The following TREH variants were observed in gnomAD, a reference collection of about 807,000 sequenced individuals.
The protein encoded by TREH is trehalase.
A neutral mutation model predicts 80.5 loss-of-function variants in TREH; 69 were observed. The ratio of observed to expected loss-of-function variants is 0.86; its 90% CI spans 0.71 to 1.05. TREH has a LOEUF of 1.05. Ranked by LOEUF, TREH falls within the 50% of genes least tolerant of loss-of-function variation. TREH has a pLI of 0.00. For missense variants in TREH, 716 were observed against 718.8 expected, an observed-to-expected ratio of 1.00 and a Z score of 0.04; for synonymous variants, 309 against 293.5, an observed-to-expected ratio of 1.05 and a Z score of -0.54.
chr11:118,672,670 G>A (rs897423621), intron 1 of TREH, among the ~76,000 whole-genome samples: 2 of 119,504 alleles, frequency 1.7e-5, no homozygotes, highest in South Asian at 2.6e-4. Flanking sequence ...GAGATCGCAC[G>A]CCACTGCACT....
chr11:118,666,141 G>A (rs1278295144), intron 1 of TREH, among the ~76,000 whole-genome samples: 1 of 152,138 alleles, frequency 6.6e-6, no homozygotes, highest in Non-Finnish European at 1.5e-5. Flanking sequence ...TCTGAGGCAG[G>A]AGAATTGCTT....
At chr11:118,668,561 CA>C (rs35085066) in intron 1 of TREH, among the ~76,000 whole-genome samples, 67 of 47,862 alleles carry the variant, frequency 1.4e-3, no homozygotes, top group African/African-American at 5.2e-3. Flanking sequence ...GACTCTGTCT[CA>C]AAAAAAAAAA....
intron 11 of TREH, 116 bp downstream of exon 11, chr11:118,659,631 G>A (rs1315679031): frequency 9.3e-6 from 13 of 1,390,498 alleles, no homozygotes; most frequent in South Asian, 2.7e-5. Flanking sequence ...GGTGGGACCC[G>A]CAGGCTGGGA....
chr11:118,679,276 G>T (rs543327), intron 1 of TREH, among the ~76,000 whole-genome samples: 52,912 of 151,678 alleles, frequency 0.35, 9,496 homozygotes, highest in Admixed American at 0.48. Context: ...GGTCTAGGCT[G>T]CAGTGAGTGG....
rs1555144477 is a variant in TREH at position 118,659,821 on chromosome 11, A to T, written c.1246T>A (p.Ser416Thr). Residue 416 changes from serine to threonine, a missense_variant, in exon 11 of 15, where the codon TCC becomes ACC. Coordinates refer to ENST00000264029, the MANE Select transcript of TREH (RefSeq NM_007180.3). ...CCGGCCCAGAGTGGAGTGAGGTTGG[A>T]TGGGTAAAACTCCCGGTTTTTCTTC... ...KKKKNREFYP[S>T]NLTPLWAGCF... 1.3e-6 allele frequency: 2 copies of T among 1,574,768 alleles called. No homozygotes were observed. Among genetic ancestry groups the T allele is most frequent in the Non-Finnish European group, 1.7e-6 (2 of 1,159,506 alleles).
chr11:118,667,614 T>C (rs745309014), intron 1 of TREH, among the ~76,000 whole-genome samples: 4 of 152,200 alleles, frequency 2.6e-5, no homozygotes, highest in Non-Finnish European at 4.4e-5. Context: ...CCTTATGGCA[T>C]ACTCAAACTA....
chr11:118,670,590 T>C (rs1555146175), intron 1 of TREH, among the ~76,000 whole-genome samples: 1 of 152,198 alleles, frequency 6.6e-6, no homozygotes, highest in Non-Finnish European at 1.5e-5. Context: ...TTGCCAACAA[T>C]GCCAGTGCTT....
At chr11:118,672,377 A>C (rs1351587469) in intron 1 of TREH, among the ~76,000 whole-genome samples, 2 of 149,052 alleles carry the variant, frequency 1.3e-5, no homozygotes, top group Non-Finnish European at 3.0e-5. Context: ...CAGCCTGGGC[A>C]ACAGAGTGAG....
Position 118,663,056 on chromosome 11 carries a change from C to T in TREH, c.331G>A (p.Asp111Asn). The T allele has an allele frequency of 6.2e-7, 1 of 1,613,618 alleles. No homozygotes were observed. ...GTTCCCCTTCCAGAGTCATACCTGTCTTTCCAGTCTGCAGGGGTCCAGGGC... is the reference window on the plus strand; with the variant it reads ...GTTCCCCTTCCAGAGTCATACCTGTTTTTCCAGTCTGCAGGGGTCCAGGGC... Reference protein sequence around the residue: ...LQPWTPADWKDSPQFLQKISD... With the variant: ...LQPWTPADWKNSPQFLQKISD... Residue 111 changes from aspartate to asparagine, a missense_variant, in exon 3 of 15, where the codon GAC becomes AAC. Asp to Asn is a conservative substitution (Grantham distance 23). Coordinates refer to ENST00000264029, the MANE Select transcript of TREH (RefSeq NM_007180.3).
chr11:118,670,045 G>A (rs1949416860), intron 1 of TREH, among the ~76,000 whole-genome samples: 1 of 151,830 alleles, frequency 6.6e-6, no homozygotes, highest in South Asian at 2.1e-4. Context: ...TAAGTGAGGG[G>A]CTTCAAATGT....
In TREH at chr11:118,661,768, C is replaced by A; in HGVS notation, c.525-39G>T. On this transcript the variant is annotated intron_variant, in intron 5 of 14. Transcript: ENST00000264029. This position sits in a 1 kb window ranked among gnomAD's most constrained non-coding sequence, Gnocchi z 4.2. ...AGCTTAGGCACCACCCTGCTGCCTCCCTCTGCCCTGCACACCAGCCAGTGG... is the reference window on the plus strand; with the variant it reads ...AGCTTAGGCACCACCCTGCTGCCTCACTCTGCCCTGCACACCAGCCAGTGG... The A allele has an allele frequency of 6.2e-7, 1 of 1,609,094 alleles. No individual in the cohort carries two copies. The highest frequency in any genetic ancestry group is 8.5e-7 in the Non-Finnish European group (1 of 1,175,834).
At position 118,657,971 on chromosome 11, in the gene TREH, G is replaced by A. The variant is rs1181471140; in HGVS notation, c.*318C>T. ...CCCTTGGTTGCCTGGGCCCAGGCTGGGGGTTTTCAGTATTTGTAAGCATTT... is the reference window on the plus strand; with the variant it reads ...CCCTTGGTTGCCTGGGCCCAGGCTGAGGGTTTTCAGTATTTGTAAGCATTT... On this transcript the variant is annotated 3_prime_UTR_variant, in exon 15 of 15. Transcript: ENST00000264029. The A allele has an allele frequency of 5.5e-5, 17 of 308,034 alleles. No homozygotes were observed. The highest frequency in any genetic ancestry group is 3.4e-4 in the African/African-American group (16 of 47,696). 19.1% of individuals were successfully genotyped at this position (308,034 alleles called of 1,614,324 possible).
At position 118,662,986 on chromosome 11, in the gene TREH, C is replaced by A. The variant is rs781787702; in HGVS notation, c.336-18G>T. The A allele has an allele frequency of 6.2e-6, 10 of 1,611,830 alleles. No homozygotes were observed. The highest frequency in any genetic ancestry group is 4.5e-5 in the East Asian group (2 of 44,844). Reference sequence around the variant, plus strand: ...ACTGGGGGCTGAAAGAACACAGGCCCCACAGGGTTCAAGGAGGCAGCTCAG... The same window carrying A: ...ACTGGGGGCTGAAAGAACACAGGCCACACAGGGTTCAAGGAGGCAGCTCAG... On this transcript the variant is annotated intron_variant, in intron 3 of 14. Coordinates refer to ENST00000264029, the MANE Select transcript of TREH (RefSeq NM_007180.3).
chr11:118,663,278 C>G, intron 2 of TREH, 61 bp downstream of exon 2: 1 of 1,562,830 alleles, frequency 6.4e-7, no homozygotes. Flanking sequence ...CTTGGTCTTG[C>G]CCCCTGCCTT....
At chr11:118,658,517 CA>C in intron 14 of TREH, 76 bp from the exon 15 acceptor site, 10 of 1,550,744 alleles carry the variant, frequency 6.4e-6, no homozygotes, top group Non-Finnish European at 8.7e-6. Flanking sequence ...GCTCTCTCCC[CA>C]GGGGCACTGG....
chr11:118,676,595 C>T (rs1470060348), intron 1 of TREH, among the ~76,000 whole-genome samples: 7 of 151,932 alleles, frequency 4.6e-5, no homozygotes, highest in African/African-American at 7.3e-5. Flanking sequence ...GGTGAAACCC[C>T]GTCTCTACTA....
At position 118,659,366 on chromosome 11, in the gene TREH, C is replaced by G. The variant is rs1555144282; in HGVS notation, c.1432+4G>C. On this transcript the variant is annotated splice_donor_region_variant and intron_variant, in intron 12 of 14. Transcript: ENST00000264029. ...CCTTGGCTGTGTCAGCCCTGCCTCC[C>G]TACCTCTGATGACCAGGTCCTGCAG... 1.9e-6 allele frequency: 3 copies of G among 1,558,190 alleles called. No homozygotes were observed. Among genetic ancestry groups the G allele is most frequent in the African/African-American group, 1.4e-5 (1 of 73,872 alleles).
intron 4 of TREH, 149 bp from the exon 5 acceptor site, chr11:118,662,139 A>T: frequency 1.5e-6 from 1 of 649,578 alleles, no homozygotes; most frequent in Non-Finnish European, 2.7e-6. Flanking sequence ...CAGCCATGTA[A>T]TCAAGGCCTG....
At position 118,661,853 on chromosome 11, in the gene TREH, C is replaced by T; in HGVS notation, c.524+37G>A. 6.4e-7 allele frequency: 1 copy of T among 1,571,070 alleles called. No homozygotes were observed. Among genetic ancestry groups the T allele is most frequent in the Non-Finnish European group, 8.6e-7 (1 of 1,157,376 alleles). On this transcript the variant is annotated intron_variant, in intron 5 of 14. Coordinates refer to ENST00000264029, the MANE Select transcript of TREH (RefSeq NM_007180.3). This position sits in a 1 kb window ranked among gnomAD's most constrained non-coding sequence, Gnocchi z 4.2. Reference sequence around the variant, plus strand: ...CTGGGTTTCTCCACCACTGCCAGTCCTGCAGGCCCCTTGGTCTCTTGGGCC... The same window carrying T: ...CTGGGTTTCTCCACCACTGCCAGTCTTGCAGGCCCCTTGGTCTCTTGGGCC...
Sources: allele counts gnomAD v4.1 joint callset (sites outside exome capture counted in the v4.1 genomes callset), GRCh38; gene constraint gnomAD v4.1.1; non-coding constraint Gnocchi (gnomAD v3.1); transcripts MANE v1.5; gene names NCBI Gene and HGNC (gene_info 2026-07-23, HGNC 2026-07-21).